Variants in B3GALT1 observed in about 807,000 individuals in gnomAD.
The protein encoded by B3GALT1 is beta-1,3-galactosyltransferase 1, also known as UDP-Gal:betaGlcNAc beta 1,3-galactosyltransferase, polypeptide 1.
In B3GALT1, 10 loss-of-function variants were observed where a neutral mutation model predicts 23.2. The observed-to-expected ratio is 0.43, with a 90% CI of 0.27 to 0.73. The LOEUF (loss-of-function observed/expected upper bound fraction) is 0.73. Ranked by LOEUF, B3GALT1 falls within the 30% of genes least tolerant of loss-of-function variation. The pLI is 0.21. For synonymous variants in B3GALT1, 156 were observed against 141.5 expected, an observed-to-expected ratio of 1.10 and a Z score of -0.73; for missense variants, 299 against 405.4, an observed-to-expected ratio of 0.74 and a Z score of 2.25.
At chr2:167,590,427 A>C (rs1401169821) in intron 2 of B3GALT1, among the ~76,000 whole-genome samples, 1 of 151,902 alleles carries the variant, frequency 6.6e-6, no homozygotes. Flanking sequence ...TGATCTGTGC[A>C]GCAAGCCACC....
chr2:167,563,771 GACT>G (rs781125925), intron 2 of B3GALT1, among the ~76,000 whole-genome samples: 20,897 of 59,270 alleles, frequency 0.35, 10,443 homozygotes, highest in Non-Finnish European at 0.47. Context: ...GGGGCGGCTG[GACT>G]CGGGGCTGAC....
At chr2:167,703,984 T>C (rs12467475) in intron 3 of B3GALT1, among the ~76,000 whole-genome samples, 2 of 151,652 alleles carry the variant, frequency 1.3e-5, no homozygotes, top group Non-Finnish European at 2.9e-5. Context: ...GATCAAGACC[T>C]TCCTGGCTAA....
chr2:167,396,251 T>G (rs1698093275), intron 1 of B3GALT1, among the ~76,000 whole-genome samples: 2 of 152,158 alleles, frequency 1.3e-5, no homozygotes, highest in Admixed American at 1.3e-4. Flanking sequence ...CAGAGCTGAT[T>G]ATGAATCCAA....
intron 1 of B3GALT1, among the ~76,000 whole-genome samples, chr2:167,317,815 G>A (rs1008715979): frequency 2.0e-5 from 3 of 152,160 alleles, no homozygotes; most frequent in South Asian, 2.1e-4. Flanking sequence ...TCATGTAAAT[G>A]TGGGAAAACT....
At chr2:167,450,896 T>C (rs1699079271) in intron 1 of B3GALT1, among the ~76,000 whole-genome samples, 3 of 151,770 alleles carry the variant, frequency 2.0e-5, no homozygotes, top group Admixed American at 1.3e-4. Context: ...TTTTTTCTTA[T>C]CTTTTTTCTT....
intron 3 of B3GALT1, among the ~76,000 whole-genome samples, chr2:167,697,893 T>C (rs1209606923): frequency 6.6e-6 from 1 of 152,198 alleles, no homozygotes; most frequent in African/African-American, 2.4e-5. Context: ...TTTGAATTGA[T>C]ATTTTACCCA....
At chr2:167,668,240 G>T (rs924049312) in intron 3 of B3GALT1, among the ~76,000 whole-genome samples, 1 of 151,928 alleles carries the variant, frequency 6.6e-6, no homozygotes, top group Non-Finnish European at 1.5e-5. Context: ...CCTGCTGGAG[G>T]GTGCCTCCCA....
chr2:167,791,701 G>A (rs1688440263), intron 3 of B3GALT1, among the ~76,000 whole-genome samples: 1 of 152,244 alleles, frequency 6.6e-6, no homozygotes, highest in South Asian at 2.1e-4. Context: ...CACATAAAGT[G>A]AGCATAGATC....
intron 3 of B3GALT1, among the ~76,000 whole-genome samples, chr2:167,691,695 T>C (rs777342690): frequency 1.2e-4 from 18 of 152,142 alleles, no homozygotes; most frequent in Admixed American, 2.0e-4. Flanking sequence ...TTTGCTGTAT[T>C]TGAGAATATT....
intron 1 of B3GALT1, among the ~76,000 whole-genome samples, chr2:167,459,753 A>G (rs1699227900): frequency 6.6e-6 from 1 of 152,156 alleles, no homozygotes; most frequent in African/African-American, 2.4e-5. Context: ...TTCACCATGT[A>G]GGACTCCCTT....
At chr2:167,564,813 C>T (rs546471625) in intron 2 of B3GALT1, among the ~76,000 whole-genome samples, 1 of 152,280 alleles carries the variant, frequency 6.6e-6, no homozygotes, top group African/African-American at 2.4e-5. Context: ...TGTGAAGGAC[C>T]TCTTGAAGGA....
intron 3 of B3GALT1, among the ~76,000 whole-genome samples, chr2:167,815,732 T>C (rs1688982022): frequency 6.6e-6 from 1 of 152,202 alleles, no homozygotes; most frequent in Non-Finnish European, 1.5e-5. Context: ...GGGGTGATAT[T>C]AATGAAATGT....
intron 3 of B3GALT1, among the ~76,000 whole-genome samples, chr2:167,709,724 A>G (rs1339770574): frequency 2.0e-5 from 3 of 152,062 alleles, no homozygotes; most frequent in African/African-American, 4.8e-5. Context: ...AATCCTCGCC[A>G]TGAGAAGTGG....
chr2:167,492,438 A>AT (rs1271775918), intron 2 of B3GALT1, among the ~76,000 whole-genome samples: 3 of 152,118 alleles, frequency 2.0e-5, no homozygotes, highest in Non-Finnish European at 4.4e-5. Flanking sequence ...CACTGTAAAT[A>AT]TTTGTTTGCA....
intron 3 of B3GALT1, among the ~76,000 whole-genome samples, chr2:167,698,819 GTT>G (rs1421476109): frequency 6.6e-6 from 1 of 152,128 alleles, no homozygotes; most frequent in African/African-American, 2.4e-5. Flanking sequence ...TGACATTTGC[GTT>G]TTTGACCCTG....
intron 1 of B3GALT1, among the ~76,000 whole-genome samples, chr2:167,321,596 T>C (rs1330973850): frequency 6.6e-6 from 1 of 152,040 alleles, no homozygotes; most frequent in Non-Finnish European, 1.5e-5. Context: ...ATCCATTGAT[T>C]CTTTAACCAG....
In B3GALT1 at chr2:167,479,454, T is replaced by C. The variant is rs558945644; in HGVS notation, c.-510-10723T>C. ...TTGATTATTTAAGAGTGAACTGATA[T>C]ATGTTTGTGGGAGAGCATATATTTT... On this transcript the variant is annotated intron_variant, in intron 1 of 4. Transcript: ENST00000392690. Among the ~76,000 whole-genome samples the C allele has an allele frequency of 2.6e-5, 4 of 152,332 alleles. 1 individual carries two copies. The highest frequency in any genetic ancestry group is 9.6e-5 in the African/African-American group (4 of 41,590).
intron 2 of B3GALT1, among the ~76,000 whole-genome samples, chr2:167,508,258 ATT>A (rs71031292): frequency 0.39 from 52,643 of 134,736 alleles, 10,668 homozygotes; most frequent in East Asian, 0.8. Flanking sequence ...ATTTTTATTA[ATT>A]TTTTTTTTTT....
intron 2 of B3GALT1, among the ~76,000 whole-genome samples, chr2:167,571,838 G>T (rs1162217367): frequency 6.6e-6 from 1 of 151,886 alleles, no homozygotes; most frequent in Non-Finnish European, 1.5e-5. Flanking sequence ...TTGACTTGCT[G>T]AAGTGAGTAA....
Sources: gnomAD v4.1 joint callset for allele counts (sites outside exome capture counted in the v4.1 genomes callset) on GRCh38, gnomAD v4.1.1 for gene constraint, MANE v1.5 for transcripts, NCBI Gene and HGNC (gene_info 2026-07-23, HGNC 2026-07-21) for gene names.